SPAG16: variants seen among roughly 807,000 people sequenced by gnomAD.
SPAG16 encodes sperm associated antigen 16, also known as sperm-associated antigen 16 protein.
A neutral mutation model predicts 80.4 loss-of-function variants in SPAG16; 86 were observed. The ratio of observed to expected loss-of-function variants is 1.07; its 90% CI spans 0.90 to 1.28. SPAG16 has a LOEUF of 1.28. Ranked by LOEUF, SPAG16 falls within the 50% of genes most tolerant of loss-of-function variation. The pLI is 0.00. For synonymous variants in SPAG16, 294 were observed against 265.9 expected (o/e 1.11, Z -1.03); for missense variants, 870 against 765.3 (o/e 1.14, Z -1.61).
chr2:213,583,477 GA>G (rs1159054579), intron 10 of SPAG16, among the ~76,000 whole-genome samples: 1 of 152,170 alleles, frequency 6.6e-6, no homozygotes, highest in Non-Finnish European at 1.5e-5. Flanking sequence ...AGAAATGACA[GA>G]AGGTAGAAGA....
chr2:214,388,801 T>C (rs1700904196), intron 15 of SPAG16, among the ~76,000 whole-genome samples: 1 of 152,218 alleles, frequency 6.6e-6, no homozygotes, highest in African/African-American at 2.4e-5. Flanking sequence ...AAAGTTACTA[T>C]ATGAATATAC....
chr2:213,787,750 A>T (rs965236012), intron 10 of SPAG16, among the ~76,000 whole-genome samples: 3 of 152,084 alleles, frequency 2.0e-5, no homozygotes, highest in African/African-American at 2.4e-5. Context: ...ATAGAAATTT[A>T]TACATTGTTT....
At chr2:214,052,085 G>C (rs1331453839) in intron 13 of SPAG16, among the ~76,000 whole-genome samples, 2 of 152,140 alleles carry the variant, frequency 1.3e-5, no homozygotes, top group Admixed American at 6.6e-5. Flanking sequence ...TGTCAAGTAG[G>C]ACAATGATTT....
At chr2:214,220,610 A>T (rs992775723) in intron 15 of SPAG16, among the ~76,000 whole-genome samples, 2 of 152,092 alleles carry the variant, frequency 1.3e-5, no homozygotes, top group Non-Finnish European at 2.9e-5. Flanking sequence ...ACTAATATGG[A>T]ATTTGTTATA....
chr2:213,460,206 T>C (rs555574283), intron 9 of SPAG16, among the ~76,000 whole-genome samples: 8 of 152,348 alleles, frequency 5.3e-5, no homozygotes, highest in Middle Eastern at 6.8e-3. Context: ...TCTGTAAAGA[T>C]ACCTGCAGTA....
chr2:213,615,220 A>C (rs2061553013), intron 10 of SPAG16, among the ~76,000 whole-genome samples: 1 of 152,238 alleles, frequency 6.6e-6, no homozygotes, highest in African/African-American at 2.4e-5. Context: ...AAACCCACCT[A>C]CAGGAGTACC....
At chr2:213,777,437 C>T (rs1442598108) in intron 10 of SPAG16, among the ~76,000 whole-genome samples, 10 of 151,038 alleles carry the variant, frequency 6.6e-5, no homozygotes, top group African/African-American at 1.2e-4. Context: ...GATGGAGTCT[C>T]GCTCTGTCTC....
At chr2:213,538,636 C>T (rs1329204435) in intron 10 of SPAG16, among the ~76,000 whole-genome samples, 2 of 151,984 alleles carry the variant, frequency 1.3e-5, no homozygotes, top group Non-Finnish European at 2.9e-5. Context: ...CTGCCATCAC[C>T]CTAAGTATTT....
At chr2:213,681,342 T>G (rs575984488) in intron 10 of SPAG16, among the ~76,000 whole-genome samples, 1 of 152,350 alleles carries the variant, frequency 6.6e-6, no homozygotes, top group South Asian at 2.1e-4. Context: ...AATTTATGGT[T>G]GTCAGGCATG....
At position 214,188,802 on chromosome 2, in the gene SPAG16, A is replaced by G. The variant is rs140527994; in HGVS notation, c.1720+39536A>G. 2.5e-4 allele frequency among the ~76,000 whole-genome samples: 38 copies of G among 152,262 alleles called. No homozygotes were observed. In the South Asian group the frequency reaches 6.6e-3, roughly 27 times the overall value. On this transcript the variant is annotated intron_variant, in intron 15 of 15. Coordinates refer to ENST00000331683, the MANE Select transcript of SPAG16 (RefSeq NM_024532.5). The stretch of plus-strand genomic sequence containing the variant: ...GCAATTACTTCCACACTTCTTAAGC[A>G]ACACATCTATTTTTTAACTCATCCT...
At chr2:214,258,070 A>G (rs1435555086) in intron 15 of SPAG16, among the ~76,000 whole-genome samples, 1 of 152,066 alleles carries the variant, frequency 6.6e-6, no homozygotes, top group Non-Finnish European at 1.5e-5. Context: ...CTTATGTTGT[A>G]GAATTTCCTG....
intron 9 of SPAG16, among the ~76,000 whole-genome samples, chr2:213,377,509 A>G (rs2066936158): frequency 6.6e-6 from 1 of 152,188 alleles, no homozygotes; most frequent in Non-Finnish European, 1.5e-5. Flanking sequence ...ATGTAACACA[A>G]ATGCTCCACA....
At chr2:214,034,716 A>G (rs10174722) in intron 13 of SPAG16, among the ~76,000 whole-genome samples, 142,309 of 152,214 alleles carry the variant, frequency 0.93, 67,149 homozygotes, top group Non-Finnish European at 0.99. Context: ...GGAATGCTGC[A>G]GCACCTGGAA....
At chr2:214,312,807 T>C (rs1695427501) in intron 15 of SPAG16, among the ~76,000 whole-genome samples, 1 of 152,196 alleles carries the variant, frequency 6.6e-6, no homozygotes, top group Admixed American at 6.5e-5. Context: ...AAAAGTCTCA[T>C]ACAGTGTAAT....
intron 15 of SPAG16, among the ~76,000 whole-genome samples, chr2:214,161,616 G>T (rs1173353744): frequency 6.6e-6 from 1 of 151,980 alleles, no homozygotes; most frequent in Non-Finnish European, 1.5e-5. Context: ...GGAAGTGTCT[G>T]TTGGACAGTG....
intron 9 of SPAG16, among the ~76,000 whole-genome samples, chr2:213,401,964 C>G (rs982268833): frequency 6.6e-6 from 1 of 151,794 alleles, no homozygotes; most frequent in Non-Finnish European, 1.5e-5. Flanking sequence ...TAAATAAGAT[C>G]AAAACACTTC....
chr2:213,470,513 C>A (rs565802861), intron 9 of SPAG16, among the ~76,000 whole-genome samples: 10 of 152,310 alleles, frequency 6.6e-5, no homozygotes, highest in African/African-American at 2.2e-4. Flanking sequence ...GTATAATCAA[C>A]CTGCTACCAG....
rs1034560142 is a variant in SPAG16 at position 213,865,579 on chromosome 2, G to T, written c.1214+2951G>T. On this transcript the variant is annotated intron_variant, in intron 11 of 15. Coordinates refer to ENST00000331683, the MANE Select transcript of SPAG16 (RefSeq NM_024532.5). Reference sequence around the variant, plus strand: ...AAACAATGAAATAAAAAATGCAAAAGAATAAATCAATGAAAATTAGAAATT... The same window carrying T: ...AAACAATGAAATAAAAAATGCAAAATAATAAATCAATGAAAATTAGAAATT... 9.3e-5 allele frequency among the ~76,000 whole-genome samples: 14 copies of T among 150,030 alleles called. 2 individuals are homozygous for T. Among genetic ancestry groups the T allele is most frequent in the Non-Finnish European group, 2.1e-4 (14 of 67,400 alleles).
intron 11 of SPAG16, among the ~76,000 whole-genome samples, chr2:213,919,668 A>G (rs998327912): frequency 2.6e-5 from 4 of 152,150 alleles, no homozygotes; most frequent in Admixed American, 6.5e-5. Context: ...AGTTGATATG[A>G]TTATAGTTCT....
Sources: allele counts gnomAD v4.1 joint callset (sites outside exome capture counted in the v4.1 genomes callset), GRCh38; gene constraint gnomAD v4.1.1; transcripts MANE v1.5; gene names NCBI Gene and HGNC (gene_info 2026-07-23, HGNC 2026-07-21).